Variants in IL17RC observed in about 807,000 individuals in gnomAD.
IL17RC encodes the protein interleukin 17 receptor C, also known as interleukin-17 receptor C.
A neutral mutation model predicts 86.7 loss-of-function variants in IL17RC; 53 were observed. That is an observed-to-expected ratio of 0.61 (90% CI 0.49 to 0.77). The LOEUF (loss-of-function observed/expected upper bound fraction) is 0.77. IL17RC is among the 30% of genes least tolerant of loss of function. The pLI is 0.00. For synonymous variants in IL17RC, 439 were observed against 413.1 expected, an observed-to-expected ratio of 1.06 and a Z score of -0.76; for missense variants, 957 against 940.0, an observed-to-expected ratio of 1.02 and a Z score of -0.24.
At chr3:9,926,812 G>A (rs899312114) in intron 9 of IL17RC, among the ~76,000 whole-genome samples, 4 of 151,948 alleles carry the variant, frequency 2.6e-5, no homozygotes, top group African/African-American at 4.8e-5. Flanking sequence ...CAGTAGAGAC[G>A]GGGTTTCAGC....
intron 16 of IL17RC, among the ~76,000 whole-genome samples, chr3:9,931,471 A>ACATATATATATATATAATAAGTG (rs1491160591): frequency 3.0e-3 from 16 of 5,254 alleles, no homozygotes; most frequent in African/African-American, 3.7e-3. Context: ...ACACACACAC[A>ACATATATATATATATAATAAGTG]TATATATATA....
chr3:9,930,283 G>A lies in IL17RC; in HGVS notation c.1279-117G>A, dbSNP rs76071659. On this transcript the variant is annotated intron_variant, in intron 14 of 18. Transcript: ENST00000403601. The surrounding 1 kb of genome is among the most constrained non-coding windows in gnomAD (Gnocchi z 5.8). ...GACTCAGACCAGGGCCATATTCAGC[G>A]GCATCACCAAAGTCTCCCAGTCCCC... 8.3e-3 allele frequency: 12,709 copies of A among 1,522,212 alleles called. 899 individuals carry two copies. In the African/African-American group the frequency reaches 0.15, roughly 19 times the overall value. 94.3% of individuals were successfully genotyped at this position (1,522,212 alleles called of 1,614,324 possible). A position where few individuals can be genotyped will look rare whatever the true frequency, so the allele number is the denominator to read the frequency against.
Position 9,933,267 on chromosome 3 carries a change from C to G in IL17RC, c.1837C>G (p.Leu613Val), listed in dbSNP as rs748841153. 5.6e-6 allele frequency: 9 copies of G among 1,604,380 alleles called. No individual in the cohort carries two copies. Among genetic ancestry groups the G allele is most frequent in the Non-Finnish European group, 2.6e-6 (3 of 1,175,804 alleles). ...CCCGCACGACGCCTTCCGCGCCTCG[C>G]TCAGCTGCGTGCTGCCCGACTTCTT... Reference protein sequence around the residue: ...HGPHDAFRASLSCVLPDFLQG... With the variant: ...HGPHDAFRASVSCVLPDFLQG... Residue 613 changes from leucine to valine, a missense_variant, in exon 19 of 19, where the codon CTC (leucine) becomes GTC (valine). Coordinates refer to ENST00000403601, the MANE Select transcript of IL17RC (RefSeq NM_153460.4).
rs2083243386 is a variant in IL17RC, at chr3:9,917,983, C to T, written c.188C>T (p.Pro63Leu). The T allele has an allele frequency of 6.2e-7, 1 of 1,613,768 alleles. No individual in the cohort carries two copies. Among genetic ancestry groups the T allele is most frequent in the Non-Finnish European group, 8.5e-7 (1 of 1,179,976 alleles). ...CCTGCTCCGGGCCCCGTGCTGGCGCCTACGCACCTGCAGACAGAGCTGGTG... is the reference window on the plus strand; with the variant it reads ...CCTGCTCCGGGCCCCGTGCTGGCGCTTACGCACCTGCAGACAGAGCTGGTG... ...IVPAPGPVLA[P>L]THLQTELVLR... Residue 63 changes from proline (P) to leucine (L), a missense_variant, in exon 3 of 19, where the codon CCT becomes CTT. Physicochemically the swap from Pro to Leu is moderately conservative, Grantham distance 98. Coordinates refer to ENST00000403601, the MANE Select transcript of IL17RC (RefSeq NM_153460.4).
Position 9,928,356 on chromosome 3 carries a change from C to T in IL17RC, c.929C>T (p.Thr310Ile). 2 of 1,605,130 alleles carry T rather than the reference C, an allele frequency of 1.2e-6. No homozygotes were observed. Among genetic ancestry groups the T allele is most frequent in the Non-Finnish European group, 1.7e-6 (2 of 1,174,208 alleles). ...LWQAARLQLL[T>I]LQSWLLDAPC... ...CAAGCCGCCCGACTGCAACTGCTGA[C>T]CCTGCAGAGCTGGCTGCTGGACGCA... Residue 310 changes from threonine (T) to isoleucine (I), a missense_variant, in exon 11 of 19, where the codon ACC becomes ATC. Coordinates refer to ENST00000403601, the MANE Select transcript of IL17RC (RefSeq NM_153460.4).
chr3:9,928,108 A>G (rs2084265911), intron 9 of IL17RC, 58 bp from the exon 10 acceptor site: 2 of 1,540,924 alleles, frequency 1.3e-6, no homozygotes, highest in Non-Finnish European at 1.8e-6. Flanking sequence ...ACTGTCCAGC[A>G]GAGGGCCAGG....
intron 16 of IL17RC, 131 bp from the exon 17 acceptor site, chr3:9,932,477 C>T (rs1309311658): frequency 3.6e-6 from 3 of 835,958 alleles, no homozygotes; most frequent in Admixed American, 3.6e-5. Flanking sequence ...CTGCCCGCCT[C>T]GGCCTCCCGA....
intron 16 of IL17RC, 101 bp from the exon 17 acceptor site, chr3:9,932,507 G>A (rs1364510237): frequency 9.3e-7 from 1 of 1,078,590 alleles, no homozygotes. Flanking sequence ...ATTATATAAA[G>A]GCATGAGCCA....
At position 9,918,556 on chromosome 3, in the gene IL17RC, G is replaced by C; in HGVS notation, c.412G>C (p.Val138Leu). The part of the protein sequence containing the change: ...SFQAYPTARC[V>L]LLEVQVPAAL... The stretch of plus-strand genomic sequence containing the variant: ...CCAGGCCTACCCTACTGCCCGCTGC[G>C]TCCTGCTGGAGGTGCAAGTGCCTGC... Residue 138 changes from valine (V) to leucine (L), a missense_variant, in exon 5 of 19, where the codon GTC becomes CTC. By Grantham distance (32) the Val-to-Leu change is conservative. Transcript: ENST00000403601. 1 of 1,614,164 alleles carries C rather than the reference G, an allele frequency of 6.2e-7. No individual in the cohort carries two copies. The highest frequency in any genetic ancestry group is 8.5e-7 in the Non-Finnish European group (1 of 1,180,042).
At position 9,920,555 on chromosome 3, in the gene IL17RC, CT is replaced by C; in HGVS notation, c.531del (p.Gln178SerfsTer48). On this transcript the variant is annotated frameshift_variant, in exon 6 of 19. Coordinates refer to ENST00000403601, the MANE Select transcript of IL17RC (RefSeq NM_153460.4). LOFTEE classifies it high-confidence loss of function. ...AGTGAGGTACGAATCTGGTCCTATA[CT>C]CAGCCCAGGTACGAGAAGGAACTCA... Reference protein sequence around the residue: ...LGSEVRIWSYTQPRYEKELNH... With the variant: ...LGSEVRIWSYXQPRYEKELNH... 6.2e-7 allele frequency: 1 copy of C among 1,608,752 alleles called. No homozygotes were observed. The highest frequency in any genetic ancestry group is 8.5e-7 in the Non-Finnish European group (1 of 1,177,046).
At chr3:9,919,309 T>TTTTTTG (rs955686763) in intron 5 of IL17RC, among the ~76,000 whole-genome samples, 7 of 150,996 alleles carry the variant, frequency 4.6e-5, no homozygotes, top group Non-Finnish European at 7.4e-5. Context: ...CTCTTAAAGT[T>TTTTTTG]TTTTTGTTTT....
In IL17RC at chr3:9,931,468, C is replaced by CATATATATAT. The variant is rs1164461805; in HGVS notation, c.1387+526_1387+527insTATATATATA. On this transcript the variant is annotated intron_variant, in intron 16 of 18. Transcript: ENST00000403601. ...TTTATATATTTCACACACACACACA[C>CATATATATAT]ACATATATATATATATATATATATA... 6.7e-3 allele frequency among the ~76,000 whole-genome samples: 119 copies of CATATATATAT among 17,780 alleles called. 1 individual carries two copies. The highest frequency in any genetic ancestry group is 0.04 in the South Asian group (14 of 350). 11.7% of individuals were successfully genotyped at this position (17,780 alleles called of 152,430 possible). A position where few individuals can be genotyped will look rare whatever the true frequency, so the allele number is the denominator to read the frequency against.
At position 9,924,419 on chromosome 3, in the gene IL17RC, G is replaced by A. The variant is rs150300988; in HGVS notation, c.822+128G>A. The A allele has an allele frequency of 1.2e-4, 113 of 910,610 alleles. 3 individuals are homozygous for A. In the South Asian group the frequency reaches 1.3e-3, roughly 10 times the overall value. 56.4% of individuals were successfully genotyped at this position (910,610 alleles called of 1,614,324 possible). A position where few individuals can be genotyped will look rare whatever the true frequency, so the allele number is the denominator to read the frequency against. The stretch of plus-strand genomic sequence containing the variant: ...GGTGGAGACTGTGGCTCCCTGGGGT[G>A]GCTGGCCCTCCCTTGACCCTTGCTG... On this transcript the variant is annotated intron_variant, in intron 9 of 18. Coordinates refer to ENST00000403601, the MANE Select transcript of IL17RC (RefSeq NM_153460.4).
intron 5 of IL17RC, chr3:9,920,244 G>C: frequency 2.2e-6 from 1 of 449,796 alleles, no homozygotes; most frequent in Non-Finnish European, 4.0e-6. Context: ...CAGCAGGGTG[G>C]GTGCAGGGAT....
At chr3:9,917,539 C>T in intron 1 of IL17RC, 119 bp downstream of exon 1, 1 of 1,614,176 alleles carries the variant, frequency 6.2e-7, no homozygotes, top group Non-Finnish European at 8.5e-7. Context: ...TCTGGTCTGT[C>T]TGGTGCTGAT....
chr3:9,917,357 A>T lies in IL17RC; in HGVS notation c.42A>T (p.Arg14=). 6.2e-7 allele frequency: 1 copy of T among 1,614,098 alleles called. No homozygotes were observed. Among genetic ancestry groups the T allele is most frequent in the Non-Finnish European group, 8.5e-7 (1 of 1,179,984 alleles). Residue 14 remains arginine, a synonymous_variant, in exon 1 of 19, where the codon CGA becomes CGT. Coordinates refer to ENST00000403601, the MANE Select transcript of IL17RC (RefSeq NM_153460.4). ...PWFLLSLALG[R]SPVVLSLERL... is the part of the protein sequence containing the mutation. Reference sequence around the variant, plus strand: ...TCTTGCTGTCCTTGGCACTGGGCCGAAGCCCAGTGGTCCTTTCTCTGGAGA... The same window carrying T: ...TCTTGCTGTCCTTGGCACTGGGCCGTAGCCCAGTGGTCCTTTCTCTGGAGA...
rs766430813 is a variant in IL17RC at position 9,918,012 on chromosome 3, A to G, written c.217A>G (p.Arg73Gly). ...PTHLQTELVL[R>G]CQKETDCDLC... ...GCACCTGCAGACAGAGCTGGTGCTG[A>G]GGTGCCAGAAGGAGACCGACTGTGA... Residue 73 changes from arginine (R) to glycine (G), a missense_variant, in exon 3 of 19, where the codon AGG (arginine) becomes GGG (glycine). By Grantham distance (125) the Arg-to-Gly change is moderately radical (BLOSUM62 -2). Coordinates refer to ENST00000403601, the MANE Select transcript of IL17RC (RefSeq NM_153460.4). 1 of 1,613,320 alleles carries G rather than the reference A, an allele frequency of 6.2e-7. No homozygotes were observed. The highest frequency in any genetic ancestry group is 1.1e-5 in the South Asian group (1 of 90,976).
At position 9,923,512 on chromosome 3, in the gene IL17RC, T is replaced by A. The variant is rs115491579; in HGVS notation, c.623-369T>A. Among the ~76,000 whole-genome samples, 772 of 150,560 alleles carry A rather than the reference T, an allele frequency of 5.1e-3. 5 individuals are homozygous for A. Among genetic ancestry groups the A allele is most frequent in the Middle Eastern group, 0.014 (4 of 290 alleles). On this transcript the variant is annotated intron_variant, in intron 7 of 18. Coordinates refer to ENST00000403601, the MANE Select transcript of IL17RC (RefSeq NM_153460.4). ...AGGTTGCAGTGAGCTATCGTGCCAA[T>A]GCACTCCAGCCTGGGCAACAGAGCA...
intron 5 of IL17RC, among the ~76,000 whole-genome samples, chr3:9,919,462 G>A (rs890341680): frequency 2.6e-5 from 4 of 151,990 alleles, no homozygotes; most frequent in African/African-American, 9.7e-5. Flanking sequence ...GGCTAACACT[G>A]TGAAACCCTG....
Sources: gnomAD v4.1 joint callset for allele counts (sites outside exome capture counted in the v4.1 genomes callset) on GRCh38, gnomAD v4.1.1 for gene constraint, Gnocchi (gnomAD v3.1) non-coding constraint, MANE v1.5 for transcripts, NCBI Gene and HGNC (gene_info 2026-07-23, HGNC 2026-07-21) for gene names.